FAIM: variants seen among roughly 807,000 people sequenced by gnomAD.
The protein encoded by FAIM is Fas apoptotic inhibitory molecule, also known as fas apoptotic inhibitory molecule 1.
FAIM carries 14 observed loss-of-function variants against 21.2 expected under a neutral mutation model. That is an observed-to-expected ratio of 0.66 (90% confidence interval 0.44 to 1.03). The LOEUF (loss-of-function observed/expected upper bound fraction) is 1.03, where lower values mean the gene tolerates loss of function less well. Among genes scored for constraint, FAIM ranks in the 50% least tolerant of loss-of-function variants. The pLI, the probability that FAIM is intolerant of heterozygous loss-of-function variation, is 0.00. For missense variants in FAIM, 222 were observed against 247.1 expected, an observed-to-expected ratio of 0.90 and a Z score of 0.68; for synonymous variants, 86 against 80.4, an observed-to-expected ratio of 1.07 and a Z score of -0.37.
At chr3:138,629,021 C>A (rs972989272) in intron 4 of FAIM, 86 bp from the exon 5 acceptor site, 16 of 1,022,390 alleles carry the variant, frequency 1.6e-5, no homozygotes, top group Non-Finnish European at 2.3e-5. Context: ...GTATATCAAT[C>A]CTTTCCTAAA....
intron 1 of FAIM, among the ~76,000 whole-genome samples, chr3:138,614,207 A>C (rs561610094): frequency 6.6e-6 from 1 of 152,276 alleles, no homozygotes; most frequent in African/African-American, 2.4e-5. Flanking sequence ...TGGGTGGCCG[A>C]GGTGGGAGGA....
In FAIM at chr3:138,622,211, G is replaced by A. The variant is rs2042894499; in HGVS notation, c.201G>A (p.Met67Ile). 1.2e-6 allele frequency: 2 copies of A among 1,610,548 alleles called. No homozygotes were observed. Among genetic ancestry groups the A allele is most frequent in the South Asian group, 2.2e-5 (2 of 90,046 alleles). ...DGKEEIRKEW[M>I]FKLVGKETFY... ...AGGAAGAGATAAGAAAAGAGTGGAT[G>A]TTCAAATTAGTGGGCAAAGAAACAT... is the stretch of plus-strand genomic sequence containing the variant. Residue 67 changes from methionine to isoleucine, a missense_variant, in exon 4 of 6, where the codon ATG (methionine) becomes ATA (isoleucine). By Grantham distance (10) the Met-to-Ile change is conservative. Transcript: ENST00000360570.
At chr3:138,632,815 T>C (rs938959875) in intron 5 of FAIM, 115 bp from the exon 6 acceptor site, 3 of 1,024,034 alleles carry the variant, frequency 2.9e-6, no homozygotes, top group African/African-American at 3.3e-5. Flanking sequence ...TCAAAGCTTA[T>C]TGTTTAACTA....
intron 3 of FAIM, 101 bp downstream of exon 3, chr3:138,621,640 G>A: frequency 1.9e-6 from 2 of 1,049,630 alleles, no homozygotes; most frequent in African/African-American, 1.6e-5. Flanking sequence ...TTTTTTTCTT[G>A]TAGTCATGTT....
chr3:138,628,630 A>AC (rs1394375030), intron 4 of FAIM, among the ~76,000 whole-genome samples: 1 of 151,836 alleles, frequency 6.6e-6, no homozygotes, highest in East Asian at 1.9e-4. Context: ...GACTACAGGC[A>AC]CCCACCACCA....
intron 4 of FAIM, 29 bp from the exon 5 acceptor site, chr3:138,629,078 A>G (rs1248971746): frequency 6.5e-7 from 1 of 1,542,178 alleles, no homozygotes; most frequent in East Asian, 2.2e-5. Flanking sequence ...ACAGAATTAT[A>G]ACTTAAAGTT....
intron 1 of FAIM, among the ~76,000 whole-genome samples, chr3:138,609,549 T>A (rs938977215): frequency 6.5e-5 from 4 of 61,690 alleles, no homozygotes; most frequent in East Asian, 6.4e-4. Flanking sequence ...TCTCTCTCTC[T>A]CTCTCTCTCT....
At chr3:138,629,364 A>G (rs2042977817) in intron 5 of FAIM, 1 of 466,666 alleles carries the variant, frequency 2.1e-6, no homozygotes, top group Non-Finnish European at 3.8e-6. Flanking sequence ...TCATGTTCTT[A>G]GCTGGCACTA....
chr3:138,619,643 T>C, intron 1 of FAIM, 68 bp from the exon 2 acceptor site: 1 of 1,418,936 alleles, frequency 7.0e-7, no homozygotes, highest in Non-Finnish European at 9.9e-7. Flanking sequence ...GATGTCATCA[T>C]TGTTGCTTTC....
chr3:138,615,674 G>A (rs1356092738), intron 1 of FAIM, among the ~76,000 whole-genome samples: 2 of 152,148 alleles, frequency 1.3e-5, no homozygotes, highest in African/African-American at 4.8e-5. Flanking sequence ...TTGATGAGTT[G>A]ACTAGTGGTT....
intron 4 of FAIM, among the ~76,000 whole-genome samples, chr3:138,626,507 T>C (rs2042940445): frequency 1.3e-5 from 2 of 152,228 alleles, no homozygotes; most frequent in Admixed American, 6.5e-5. Context: ...GATCCTTTTA[T>C]ATCAGAACCT....
chr3:138,619,540 A>T (rs1260459805), intron 1 of FAIM, among the ~76,000 whole-genome samples, 171 bp from the exon 2 acceptor site: 3 of 152,378 alleles, frequency 2.0e-5, no homozygotes, highest in Non-Finnish European at 2.9e-5. Flanking sequence ...TCTGAGAATT[A>T]AAGATTGCAA....
In FAIM at chr3:138,629,160, A is replaced by G. The variant is rs762112477; in HGVS notation, c.456+4A>G. 2 of 1,609,234 alleles carry G rather than the reference A, an allele frequency of 1.2e-6. No individual in the cohort carries two copies. Among genetic ancestry groups the G allele is most frequent in the South Asian group, 1.1e-5 (1 of 90,876 alleles). On this transcript the variant is annotated splice_donor_region_variant and intron_variant, in intron 5 of 5. Transcript: ENST00000360570. ...TGGTAAAAAATTGGAGACAGCGGTA[A>G]GTTGACTATTTGATGACTCTAAGTG...
rs767931243 is a variant in FAIM at position 138,622,234 on chromosome 3, C to T, written c.224C>T (p.Thr75Ile). 6.2e-7 allele frequency: 1 copy of T among 1,612,858 alleles called. No individual in the cohort carries two copies. Among genetic ancestry groups the T allele is most frequent in the South Asian group, 1.1e-5 (1 of 90,726 alleles). Residue 75 changes from threonine (T) to isoleucine (I), a missense_variant, in exon 4 of 6, where the codon ACA (threonine) becomes ATA (isoleucine). Physicochemically the swap from Thr to Ile is moderately conservative, Grantham distance 89 (BLOSUM62 -1). Coordinates refer to ENST00000360570, the MANE Select transcript of FAIM (RefSeq NM_001033031.2). Reference protein sequence around the residue: ...EWMFKLVGKETFYVGAAKTKA... With the variant: ...EWMFKLVGKEIFYVGAAKTKA... ...ATGTTCAAATTAGTGGGCAAAGAAA[C>T]ATTCTATGTTGGAGCTGCAAAGACA...
intron 1 of FAIM, among the ~76,000 whole-genome samples, chr3:138,612,096 A>ATTTTTTTTTTT (rs138371254): frequency 9.9e-6 from 1 of 100,810 alleles, no homozygotes; most frequent in Non-Finnish European, 1.9e-5. Context: ...TTGTCTGGCT[A>ATTTTTTTTTTT]TTTTTTTTTT....
chr3:138,614,694 A>C (rs2042807953), intron 1 of FAIM, among the ~76,000 whole-genome samples: 1 of 152,178 alleles, frequency 6.6e-6, no homozygotes, highest in Non-Finnish European at 1.5e-5. Context: ...TAATCTCAGC[A>C]CCTTGGGAGG....
Position 138,621,546 on chromosome 3 carries a change from A to G in FAIM, c.177+7A>G. 3 of 1,609,562 alleles carry G rather than the reference A, an allele frequency of 1.9e-6. No homozygotes were observed. Among genetic ancestry groups the G allele is most frequent in the Non-Finnish European group, 2.5e-6 (3 of 1,178,296 alleles). On this transcript the variant is annotated splice_region_variant and intron_variant, in intron 3 of 5. Coordinates refer to ENST00000360570, the MANE Select transcript of FAIM (RefSeq NM_001033031.2). ...AGTATATGTAGATGGAAAGGTAGGA[A>G]GAAAATATGTTACTTTGTAAAATAT...
chr3:138,617,198 T>C (rs901241932), intron 1 of FAIM, among the ~76,000 whole-genome samples: 6 of 151,678 alleles, frequency 4.0e-5, no homozygotes, highest in African/African-American at 1.5e-4. Context: ...GTATTTGGAA[T>C]TCCTTATAAT....
chr3:138,621,790 T>C (rs1577012642), intron 3 of FAIM, among the ~76,000 whole-genome samples: 2 of 152,346 alleles, frequency 1.3e-5, no homozygotes. Context: ...TCTTTTTTTT[T>C]TCTTTTTTTT....
Sources: allele counts gnomAD v4.1 joint callset (sites outside exome capture counted in the v4.1 genomes callset), GRCh38; gene constraint gnomAD v4.1.1; transcripts MANE v1.5; gene names NCBI Gene and HGNC (gene_info 2026-07-23, HGNC 2026-07-21).